Variants in TANK observed in about 807,000 individuals in gnomAD.
TANK encodes TRAF family member associated NFKB activator, also known as TRAF family member-associated NF-kappa-B activator.
In TANK, 15 loss-of-function variants were observed where a neutral mutation model predicts 43.6. That is an observed-to-expected ratio of 0.34 (90% confidence interval 0.23 to 0.53). The LOEUF is 0.53. TANK is among the 20% of genes least tolerant of loss of function. The probability of loss-of-function intolerance (pLI) is 0.94; values close to 1 mark genes in which losing one functional copy is unlikely to be tolerated. For synonymous variants in TANK, 162 were observed against 178.2 expected (o/e 0.91, Z 0.73); for missense variants, 417 against 498.6 (o/e 0.84, Z 1.56).
intron 4 of TANK, among the ~76,000 whole-genome samples, chr2:161,206,873 C>T (rs746981030): frequency 6.6e-6 from 1 of 152,058 alleles, no homozygotes; most frequent in East Asian, 1.9e-4. Flanking sequence ...CATTACTTAA[C>T]TGCAAATTTA....
At chr2:161,184,616 A>G (rs2105306690) in intron 2 of TANK, among the ~76,000 whole-genome samples, 1 of 152,270 alleles carries the variant, frequency 6.6e-6, no homozygotes, top group South Asian at 2.1e-4. Context: ...TTTATTTAGG[A>G]GATAAAATGG....
chr2:161,139,999 T>A (rs1683696340), intron 1 of TANK: 1 of 861,740 alleles, frequency 1.2e-6, no homozygotes, highest in South Asian at 5.3e-5. Flanking sequence ...TTTTTAATAT[T>A]CATATTCAAA....
At chr2:161,168,517 C>G (rs1468698383) in intron 1 of TANK, among the ~76,000 whole-genome samples, 1 of 152,064 alleles carries the variant, frequency 6.6e-6, no homozygotes, top group African/African-American at 2.4e-5. Flanking sequence ...AAAAAAAATC[C>G]TAATTGTTTT....
intron 4 of TANK, chr2:161,207,592 G>A (rs1686705480): frequency 1.0e-6 from 1 of 985,238 alleles, no homozygotes; most frequent in East Asian, 1.1e-4. Flanking sequence ...TTGAGAGTTG[G>A]CTGTGTGCTT....
At chr2:161,146,337 C>T (rs988713258) in intron 1 of TANK, among the ~76,000 whole-genome samples, 5 of 152,202 alleles carry the variant, frequency 3.3e-5, no homozygotes, top group Admixed American at 6.5e-5. Flanking sequence ...TTGTCCATCT[C>T]ATCCTCCATT....
At chr2:161,160,846 C>T (rs1344883140) in intron 1 of TANK, 7 of 520,942 alleles carry the variant, frequency 1.3e-5, no homozygotes, top group South Asian at 1.1e-4. Flanking sequence ...CCTCCAGGAA[C>T]ATTCCCGACT....
intron 2 of TANK, among the ~76,000 whole-genome samples, chr2:161,182,897 C>G (rs1471966812): frequency 1.3e-5 from 2 of 152,110 alleles, no homozygotes; most frequent in Non-Finnish European, 2.9e-5. Flanking sequence ...TATTAGAGTC[C>G]TGTCTTCAGC....
At chr2:161,212,365 C>G in intron 4 of TANK, 1 of 984,376 alleles carries the variant, frequency 1.0e-6, no homozygotes, top group South Asian at 4.7e-5. Flanking sequence ...CTGGCTGATA[C>G]ACAAACTCTT....
intron 1 of TANK, among the ~76,000 whole-genome samples, chr2:161,142,672 T>C (rs1421002804): frequency 1.3e-5 from 2 of 152,176 alleles, no homozygotes; most frequent in Non-Finnish European, 2.9e-5. Context: ...TTCTGCTCCA[T>C]TGGTCTATAT....
chr2:161,177,671 G>A (rs1037341655), intron 1 of TANK, among the ~76,000 whole-genome samples: 1 of 152,014 alleles, frequency 6.6e-6, no homozygotes, highest in Admixed American at 6.6e-5. Flanking sequence ...AGAAAAAATA[G>A]GTAAATTGGA....
At chr2:161,232,344 A>G (rs1022281673) in intron 7 of TANK, among the ~76,000 whole-genome samples, 4 of 152,206 alleles carry the variant, frequency 2.6e-5, no homozygotes, top group Admixed American at 6.5e-5. Context: ...GTAAATGTCT[A>G]TGTAACTTGC....
upstream of TANK, chr2:161,156,435 T>A (rs1573954689): frequency 2.2e-6 from 2 of 893,128 alleles, no homozygotes; most frequent in Non-Finnish European, 2.7e-6. Context: ...ATTTCATCTC[T>A]TTTTGCATAG....
At chr2:161,166,167 A>G (rs1684670141) in intron 1 of TANK, among the ~76,000 whole-genome samples, 3 of 152,332 alleles carry the variant, frequency 2.0e-5, no homozygotes, top group South Asian at 4.1e-4. Flanking sequence ...ATCCTGTTGC[A>G]TTTAGCCTTC....
intron 1 of TANK, among the ~76,000 whole-genome samples, chr2:161,163,809 T>TCA (rs1684552035): frequency 1.3e-5 from 2 of 152,236 alleles, no homozygotes; most frequent in African/African-American, 4.8e-5. Context: ...GCATGGTATG[T>TCA]GCACGCACAT....
chr2:161,223,846 C>A, intron 4 of TANK, 69 bp from the exon 5 acceptor site: 1 of 1,062,592 alleles, frequency 9.4e-7, no homozygotes, highest in Non-Finnish European at 1.4e-6. Context: ...TGTGTTTTCT[C>A]TTTACTCGAC....
intron 1 of TANK, among the ~76,000 whole-genome samples, chr2:161,168,927 C>T (rs1684820202): frequency 6.6e-6 from 1 of 152,210 alleles, no homozygotes; most frequent in Non-Finnish European, 1.5e-5. Context: ...GGAAAAATTA[C>T]TTCCAACCTA....
At chr2:161,194,591 A>G (rs1686060167) in intron 2 of TANK, among the ~76,000 whole-genome samples, 1 of 152,182 alleles carries the variant, frequency 6.6e-6, no homozygotes, top group Non-Finnish European at 1.5e-5. Flanking sequence ...GATCTTCTCT[A>G]ATGTTTTTCT....
intron 1 of TANK, among the ~76,000 whole-genome samples, chr2:161,138,786 C>A (rs1449224396): frequency 2.0e-5 from 3 of 152,286 alleles, no homozygotes; most frequent in Middle Eastern, 3.4e-3. Context: ...TAAAGCTCCC[C>A]TGAAAAAGTT....
At chr2:161,137,349 C>T (rs964757074) in intron 1 of TANK, 3 of 403,308 alleles carry the variant, frequency 7.4e-6, no homozygotes, top group Non-Finnish European at 1.0e-5. Context: ...CATAGTGAGA[C>T]CCCATCTCTA....
Sources: allele counts gnomAD v4.1 joint callset (sites outside exome capture counted in the v4.1 genomes callset), GRCh38; gene constraint gnomAD v4.1.1; transcripts MANE v1.5; gene names NCBI Gene and HGNC (gene_info 2026-07-23, HGNC 2026-07-21).